The following INF2 variants were observed in gnomAD, a reference collection of about 807,000 sequenced individuals.
INF2 encodes inverted formin 2.
A neutral mutation model predicts 123.5 loss-of-function variants in INF2; 43 were observed. The observed-to-expected ratio is 0.35, with a 90% CI of 0.27 to 0.45. The LOEUF is 0.45. Among genes scored for constraint, INF2 ranks in the 20% least tolerant of loss-of-function variants. The probability of loss-of-function intolerance (pLI) is 1.00; values close to 1 mark genes in which losing one functional copy is unlikely to be tolerated. For missense variants in INF2, 1,453 were observed against 1,682.7 expected (o/e 0.86, Z 2.39); for synonymous variants, 851 against 745.0 (o/e 1.14, Z -2.32).
Position 104,714,273 on chromosome 14 carries a change from T to G in INF2, c.3111T>G (p.Asp1037Glu). 2 of 1,595,466 alleles carry G rather than the reference T, an allele frequency of 1.3e-6. No homozygotes were observed. Among genetic ancestry groups the G allele is most frequent in the Non-Finnish European group, 1.7e-6 (2 of 1,172,610 alleles). The change falls in exon 21 of 23, where the codon GAT becomes GAG. Residue 1037 changes from aspartate (D) to glutamate (E), a missense_variant. Transcript: ENST00000392634. Reference protein sequence around the residue: ...TRCPASEPGLDATTASESRGW... With the variant: ...TRCPASEPGLEATTASESRGW... ...GTCCCGCCTCTGAGCCCGGCCTTGA[T>G]GCTACAACAGCCAGCGAGTCCCGGG...
intron 1 of INF2, 29 bp from the exon 2 acceptor site, chr14:104,701,328 G>T (rs1282756367): frequency 6.5e-7 from 1 of 1,547,392 alleles, no homozygotes; most frequent in South Asian, 1.2e-5. Flanking sequence ...TCCCCTCCCC[G>T]CTGACGGCTC....
chr14:104,681,644 G>A (rs1888525813), intron 1 of INF2: 1 of 1,255,324 alleles, frequency 8.0e-7, no homozygotes, highest in African/African-American at 1.5e-5. Context: ...CAGACACGGG[G>A]GCGGAGAGGT....
In INF2 at chr14:104,721,678, G is replaced by T. The variant is rs1890561532; in HGVS notation, c.*2885G>T. 1 of 152,408 alleles carries T rather than the reference G, an allele frequency of 6.6e-6. No homozygotes were observed. Among genetic ancestry groups the T allele is most frequent in the Non-Finnish European group, 1.5e-5 (1 of 68,194 alleles). The allele number at this position is 152,408 out of a possible 1,614,324, so 9.4% of individuals were successfully genotyped here. On this transcript the variant is annotated 3_prime_UTR_variant, in exon 23 of 23. Coordinates refer to ENST00000392634, the MANE Select transcript of INF2 (RefSeq NM_022489.4). ...AAACTGGACTATGGAGTATTGGGTG[G>T]GGTCACCTACAAGGTCATCTGCAGC... is the stretch of plus-strand genomic sequence containing the variant.
Position 104,713,233 on chromosome 14 carries a change from G to A in INF2, c.2802G>A (p.Ala934=), listed in dbSNP as rs768008674. The change falls in exon 19 of 23, where the codon GCG becomes GCA. Residue 934 remains alanine, a synonymous_variant. Transcript: ENST00000392634. ...LKENKDRKEQ[A]AKAERRKQQL... ...AGAACAAGGACCGGAAGGAGCAGGC[G>A]GCGAAGGCAGAGAGGAGGAAGCAGC... 2.3e-5 allele frequency: 35 copies of A among 1,553,364 alleles called. No homozygotes were observed. In the East Asian group the frequency reaches 5.3e-4, roughly 24 times the overall value.
chr14:104,687,450 G>A (rs1566769333), upstream of INF2, among the ~76,000 whole-genome samples: 3 of 149,456 alleles, frequency 2.0e-5, no homozygotes, highest in South Asian at 6.5e-4. This position sits in a 1 kb window ranked among gnomAD's most constrained non-coding sequence, Gnocchi z 5.6. Flanking sequence ...CTCTGACCTC[G>A]GCCTCCACTC....
At chr14:104,681,546 C>T (rs1888524278) in exon 1 of INF2, 2 of 1,288,558 alleles carry the variant, frequency 1.6e-6, no homozygotes, top group Non-Finnish European at 2.0e-6. Context: ...ATGAAATTAG[C>T]ACTGGATTTC....
At chr14:104,710,435 C>T (rs186819569) in intron 13 of INF2, among the ~76,000 whole-genome samples, 1 of 147,796 alleles carries the variant, frequency 6.8e-6, no homozygotes, top group East Asian at 1.9e-4. Context: ...AAGCACACTG[C>T]CACTCTCCGG....
At position 104,707,963 on chromosome 14, in the gene INF2, A is replaced by C; in HGVS notation, c.1696A>C (p.Lys566Gln). The change falls in exon 8 of 23, where the codon AAG (lysine) becomes CAG (glutamine). Residue 566 changes from lysine (K) to glutamine (Q), a missense_variant. By Grantham distance (53) the Lys-to-Gln change is moderately conservative. This residue lies in a region of INF2 where 192 missense variants were observed against 274.4 expected (regional missense o/e 0.70). Coordinates refer to ENST00000392634, the MANE Select transcript of INF2 (RefSeq NM_022489.4). ...GAACCCACCCACACTGCGCATGAAG[A>C]AGCTGAACTGGCAGAAGCTGCCATC... ...RVNPPTLRMK[K>Q]LNWQKLPSNV... The C allele has an allele frequency of 6.3e-7, 1 of 1,598,464 alleles. No individual in the cohort carries two copies. Among genetic ancestry groups the C allele is most frequent in the Non-Finnish European group, 8.5e-7 (1 of 1,179,702 alleles).
At chr14:104,716,478 T>C (rs1027118811) in intron 22 of INF2, among the ~76,000 whole-genome samples, 6 of 152,182 alleles carry the variant, frequency 3.9e-5, no homozygotes, top group African/African-American at 1.4e-4. Context: ...TTGCTGGCCC[T>C]GAGTGTGAGG....
rs769120676 is a variant in INF2 at position 104,709,654 on chromosome 14, C to T, written c.2087C>T (p.Ala696Val). 1 of 1,612,688 alleles carries T rather than the reference C, an allele frequency of 6.2e-7. No individual in the cohort carries two copies. Among genetic ancestry groups the T allele is most frequent in the Admixed American group, 1.7e-5 (1 of 60,026 alleles). The change falls in exon 12 of 23, where the codon GCC becomes GTC. Residue 696 changes from alanine (A) to valine (V), a missense_variant. Transcript: ENST00000392634. Reference sequence around the variant, plus strand: ...CTGCGGGCATTCACAGAGGAGCGAGCCAAGCTGGCCAGCGCCGACCACTTC... The same window carrying T: ...CTGCGGGCATTCACAGAGGAGCGAGTCAAGCTGGCCAGCGCCGACCACTTC... ...ENLRAFTEER[A>V]KLASADHFYL...
At chr14:104,712,750 C>G in intron 17 of INF2, 78 bp from the exon 18 acceptor site, 2 of 1,504,532 alleles carry the variant, frequency 1.3e-6, no homozygotes, top group South Asian at 2.6e-5. Context: ...GGCCGTCACC[C>G]TCCCGCAACT....
At chr14:104,700,900 CG>C in intron 1 of INF2, 1 of 982,236 alleles carries the variant, frequency 1.0e-6, no homozygotes, top group Non-Finnish European at 1.2e-6. Flanking sequence ...TCCACTGGGG[CG>C]GGGGAAGTGC....
intron 4 of INF2, 94 bp downstream of exon 4, chr14:104,703,548 A>C (rs1889632925): frequency 1.2e-5 from 18 of 1,525,092 alleles, no homozygotes; most frequent in Non-Finnish European, 1.5e-5. Flanking sequence ...GGAGCGCCAC[A>C]AAAGCTGCCC....
rs966605002 is a variant in INF2 at position 104,700,835 on chromosome 14, G to T, written c.-9-522G>T. The T allele has an allele frequency of 8.1e-6, 8 of 985,256 alleles. No individual in the cohort carries two copies. In the African/African-American group the frequency reaches 1.4e-4, roughly 17 times the overall value. 61.0% of individuals were successfully genotyped at this position (985,256 alleles called of 1,614,324 possible). A position where few individuals can be genotyped will look rare whatever the true frequency, so the allele number is the denominator to read the frequency against. On this transcript the variant is annotated intron_variant, in intron 1 of 22. Coordinates refer to ENST00000392634, the MANE Select transcript of INF2 (RefSeq NM_022489.4). ...GCCCCTCCTCCCCAGCCACGCTGCTGACGCTGTGGGCACCCCAGGCATGCC... is the reference window on the plus strand; with the variant it reads ...GCCCCTCCTCCCCAGCCACGCTGCTTACGCTGTGGGCACCCCAGGCATGCC...
At chr14:104,711,291 G>A (rs772473423) in intron 15 of INF2, 105 bp downstream of exon 15, 235 of 993,416 alleles carry the variant, frequency 2.4e-4, no homozygotes, top group Admixed American at 3.8e-4. Flanking sequence ...TCAGGCCGCC[G>A]GTCTCCCTGT....
upstream of INF2, among the ~76,000 whole-genome samples, chr14:104,685,717 G>T (rs1163264851): frequency 6.6e-6 from 1 of 151,270 alleles, no homozygotes; most frequent in African/African-American, 2.4e-5. Flanking sequence ...GTGGATAGGT[G>T]GGTGGGTGGA....
Position 104,707,123 on chromosome 14 carries a change from G to C in INF2, c.985+72G>C, listed in dbSNP as rs561061262. Reference sequence around the variant, plus strand: ...CTGAGGTCTTAGACCATGGGGGGGGGAGCCTGCCCTTGGCCCCAACCCATC... The same window carrying C: ...CTGAGGTCTTAGACCATGGGGGGGGCAGCCTGCCCTTGGCCCCAACCCATC... On this transcript the variant is annotated intron_variant, in intron 7 of 22. Coordinates refer to ENST00000392634, the MANE Select transcript of INF2 (RefSeq NM_022489.4). 1.7e-5 allele frequency: 26 copies of C among 1,514,962 alleles called. No homozygotes were observed. The South Asian group carries it at 2.5e-4, about 15-fold the overall frequency. 93.8% of individuals were successfully genotyped at this position (1,514,962 alleles called of 1,614,324 possible).
Position 104,720,290 on chromosome 14 carries a change from TC to T in INF2, c.*1499del, listed in dbSNP as rs1890499845. 1 of 164,250 alleles carries T rather than the reference TC, an allele frequency of 6.1e-6. No individual in the cohort carries two copies. The highest frequency in any genetic ancestry group is 6.5e-5 in the Admixed American group (1 of 15,484). 10.2% of individuals were successfully genotyped at this position (164,250 alleles called of 1,614,324 possible). A position where few individuals can be genotyped will look rare whatever the true frequency, so the allele number is the denominator to read the frequency against. On this transcript the variant is annotated 3_prime_UTR_variant, in exon 23 of 23. Coordinates refer to ENST00000392634, the MANE Select transcript of INF2 (RefSeq NM_022489.4). ...TCTGTCCATGGACATCTGGGTTGCT[TC>T]CAGTTTGGGGCTTCTGTGAATCCTG...
chr14:104,685,427 G>C (rs546619457), upstream of INF2, among the ~76,000 whole-genome samples: 2 of 152,280 alleles, frequency 1.3e-5, no homozygotes, highest in South Asian at 4.1e-4. Flanking sequence ...AGGCAAAGCT[G>C]CCAGCTACAG....
Sources: allele counts gnomAD v4.1 joint callset (sites outside exome capture counted in the v4.1 genomes callset), GRCh38; gene constraint gnomAD v4.1.1; regional missense constraint gnomAD v4.1.1; non-coding constraint Gnocchi (gnomAD v3.1); transcripts MANE v1.5; gene names NCBI Gene and HGNC (gene_info 2026-07-23, HGNC 2026-07-21).